FAM76A: variants seen among roughly 807,000 people sequenced by gnomAD.
FAM76A encodes family with sequence similarity 76 member A, also known as protein FAM76A.
A neutral mutation model predicts 46.2 loss-of-function variants in FAM76A; 32 were observed. The observed-to-expected ratio is 0.69, with a 90% confidence interval of 0.52 to 0.93. The LOEUF (loss-of-function observed/expected upper bound fraction) is 0.93, where lower values mean the gene tolerates loss of function less well. FAM76A is among the 40% of genes least tolerant of loss of function. The probability of loss-of-function intolerance (pLI) is 0.00; values close to 1 mark genes in which losing one functional copy is unlikely to be tolerated. For synonymous variants in FAM76A, 137 were observed against 127.0 expected (o/e 1.08, Z -0.53); for missense variants, 274 against 361.5 (o/e 0.76, Z 1.96).
chr1:27,737,462 C>T (rs1407640644), intron 4 of FAM76A, among the ~76,000 whole-genome samples: 2 of 152,110 alleles, frequency 1.3e-5, no homozygotes, highest in Non-Finnish European at 2.9e-5. Flanking sequence ...TGCCTGTATT[C>T]CCAGCACTTT....
At chr1:27,733,980 G>T in intron 3 of FAM76A, 51 bp from the exon 4 acceptor site, 1 of 1,546,450 alleles carries the variant, frequency 6.5e-7, no homozygotes, top group Non-Finnish European at 8.8e-7. Flanking sequence ...TTTAAATGCA[G>T]TGGTATTTTA....
At chr1:27,729,352 TGC>T (rs1414881857) in intron 2 of FAM76A, among the ~76,000 whole-genome samples, 5 of 151,800 alleles carry the variant, frequency 3.3e-5, no homozygotes, top group African/African-American at 1.2e-4. Context: ...GGACCAGGGG[TGC>T]ACACCACCAC....
chr1:27,737,978 A>G (rs555794994), intron 4 of FAM76A, among the ~76,000 whole-genome samples: 34 of 151,542 alleles, frequency 2.2e-4, no homozygotes, highest in African/African-American at 7.7e-4. Context: ...TCTTGAGCCT[A>G]GGAGTACGAG....
chr1:27,726,840 T>G (rs2087870215), intron 1 of FAM76A, among the ~76,000 whole-genome samples: 1 of 152,144 alleles, frequency 6.6e-6, no homozygotes, highest in African/African-American at 2.4e-5. Context: ...TTAAGTTGCT[T>G]TATCCCACTT....
chr1:27,760,683 C>T lies in FAM76A; in HGVS notation c.*102C>T. ...GGAATTGCAAGCTTTCTTAAGAAAT[C>T]TCTATTTTATTACAGTTATCCTTCT... On this transcript the variant is annotated 3_prime_UTR_variant, in exon 9 of 9. Coordinates refer to ENST00000373954, the MANE Select transcript of FAM76A (RefSeq NM_152660.3). The T allele has an allele frequency of 2.7e-6, 2 of 747,970 alleles. No individual in the cohort carries two copies. Among genetic ancestry groups the T allele is most frequent in the South Asian group, 1.7e-5 (1 of 58,370 alleles). The allele number at this position is 747,970 out of a possible 1,614,324, so 46.3% of individuals were successfully genotyped here.
chr1:27,746,498 G>T (rs918299679), intron 5 of FAM76A, among the ~76,000 whole-genome samples: 4 of 152,120 alleles, frequency 2.6e-5, no homozygotes, highest in Admixed American at 6.5e-5. Context: ...CAAGGCGGGC[G>T]CATCACAAGG....
rs560931501 is a variant in FAM76A, at chr1:27,726,752, C to T, written c.81+591C>T. Among the ~76,000 whole-genome samples, 38 of 152,248 alleles carry T rather than the reference C, an allele frequency of 2.5e-4. 1 individual carries two copies. The highest frequency in any genetic ancestry group is 8.7e-4 in the African/African-American group (36 of 41,538). ...GATCCGAGGGATCACTTCTCAGCAT[C>T]CAGTTGGTGGTCTTCGGTCTTCCCT... On this transcript the variant is annotated intron_variant, in intron 1 of 8. Coordinates refer to ENST00000373954, the MANE Select transcript of FAM76A (RefSeq NM_152660.3).
intron 6 of FAM76A, 23 bp from the exon 7 acceptor site, chr1:27,755,172 T>C: frequency 6.2e-7 from 1 of 1,612,788 alleles, no homozygotes; most frequent in South Asian, 1.1e-5. Context: ...GTTAAAATAT[T>C]TTCCCCTGAT....
chr1:27,743,874 A>G (rs1007734196), intron 4 of FAM76A, among the ~76,000 whole-genome samples: 4 of 151,950 alleles, frequency 2.6e-5, no homozygotes, highest in African/African-American at 7.2e-5. Context: ...CCAGAAGTTT[A>G]AGGTTGTAGT....
At chr1:27,733,880 C>A in intron 3 of FAM76A, 151 bp from the exon 4 acceptor site, 1 of 746,518 alleles carries the variant, frequency 1.3e-6, no homozygotes, top group Non-Finnish European at 2.1e-6. Context: ...AAGAATTGGG[C>A]TTCATTTGGT....
At chr1:27,747,188 G>C (rs1389570988) in intron 5 of FAM76A, among the ~76,000 whole-genome samples, 2 of 152,164 alleles carry the variant, frequency 1.3e-5, no homozygotes, top group Non-Finnish European at 2.9e-5. Context: ...AAACATCCCA[G>C]ATGATTCTAA....
At chr1:27,733,999 ATACT>A (rs768399146) in intron 3 of FAM76A, 28 bp from the exon 4 acceptor site, 1 of 1,592,240 alleles carries the variant, frequency 6.3e-7, no homozygotes, top group East Asian at 2.2e-5. Context: ...TATGAAAGTA[ATACT>A]TACTTGACTC....
chr1:27,755,186 T>A lies in FAM76A; in HGVS notation c.600-9T>A, dbSNP rs1221145240. ...AGTTAAAATATTTTCCCCTGATTTTTAAATTTAGCTTCTCCCCAGACCTGG... is the reference window on the plus strand; with the variant it reads ...AGTTAAAATATTTTCCCCTGATTTTAAAATTTAGCTTCTCCCCAGACCTGG... On this transcript the variant is annotated splice_polypyrimidine_tract_variant and intron_variant, in intron 6 of 8. Coordinates refer to ENST00000373954, the MANE Select transcript of FAM76A (RefSeq NM_152660.3). 3 of 1,613,044 alleles carry A rather than the reference T, an allele frequency of 1.9e-6. No individual in the cohort carries two copies. In the African/African-American group the frequency reaches 4.0e-5, roughly 22 times the overall value.
chr1:27,738,418 A>G (rs1447488612), intron 4 of FAM76A, among the ~76,000 whole-genome samples: 1 of 152,078 alleles, frequency 6.6e-6, no homozygotes, highest in Non-Finnish European at 1.5e-5. Context: ...TGAATCCTGC[A>G]GTGAGCCAAG....
At chr1:27,746,752 A>T (rs553059980) in intron 5 of FAM76A, among the ~76,000 whole-genome samples, 1 of 152,232 alleles carries the variant, frequency 6.6e-6, no homozygotes, top group African/African-American at 2.4e-5. Flanking sequence ...CAATAAAAAG[A>T]ATCACTGGGG....
Position 27,762,546 on chromosome 1 carries a change from T to C in FAM76A, c.*1965T>C, listed in dbSNP as rs914249559. 6.6e-6 allele frequency: 1 copy of C among 152,164 alleles called. No homozygotes were observed. Among genetic ancestry groups the C allele is most frequent in the Admixed American group, 6.5e-5 (1 of 15,272 alleles). The allele number at this position is 152,164 out of a possible 1,614,324, so 9.4% of individuals were successfully genotyped here. A position where few individuals can be genotyped will look rare whatever the true frequency, so the allele number is the denominator to read the frequency against. ...TTGGACAGAGATGTGGAAATGGTGG[T>C]TTCCTTCTGATAAGGGATACAGTGG... On this transcript the variant is annotated 3_prime_UTR_variant, in exon 9 of 9. Transcript: ENST00000373954.
chr1:27,761,233 G>A lies in FAM76A; in HGVS notation c.*652G>A, dbSNP rs2088505199. On this transcript the variant is annotated 3_prime_UTR_variant, in exon 9 of 9. Transcript: ENST00000373954. ...TTGATAAAGGAATAATGGTGGTCTA[G>A]CTAGTTCTTGTAAAAGTGATGCCTC... 1.4e-5 allele frequency: 2 copies of A among 138,158 alleles called. No individual in the cohort carries two copies. Among genetic ancestry groups the A allele is most frequent in the East Asian group, 4.2e-4 (2 of 4,724 alleles). 8.6% of individuals were successfully genotyped at this position (138,158 alleles called of 1,614,324 possible).
intron 4 of FAM76A, chr1:27,739,997 A>G (rs1345441142): frequency 9.3e-6 from 3 of 322,032 alleles, no homozygotes; most frequent in Non-Finnish European, 6.1e-6. Context: ...CTCAACAGCA[A>G]CCTGGCCAGT....
chr1:27,758,466 G>C (rs745555058), intron 7 of FAM76A, among the ~76,000 whole-genome samples: 1 of 152,092 alleles, frequency 6.6e-6, no homozygotes, highest in African/African-American at 2.4e-5. Context: ...ATGAACACTT[G>C]TTTCTACTGC....
Sources: gnomAD v4.1 joint callset for allele counts (sites outside exome capture counted in the v4.1 genomes callset) on GRCh38, gnomAD v4.1.1 for gene constraint, MANE v1.5 for transcripts, NCBI Gene and HGNC (gene_info 2026-07-23, HGNC 2026-07-21) for gene names.